Variants in TBL1X observed in about 807,000 individuals in gnomAD.
The protein encoded by TBL1X is F-box-like/WD repeat-containing protein TBL1X.
Under a neutral mutation model 50.7 loss-of-function variants are expected in TBL1X, and 10 were observed. The ratio of observed to expected loss-of-function variants is 0.20; its 90% CI spans 0.12 to 0.33. The LOEUF (loss-of-function observed/expected upper bound fraction) is 0.33. TBL1X is among the 10% of genes least tolerant of loss of function. The pLI, the probability that TBL1X is intolerant of heterozygous loss-of-function variation, is 1.00. For missense variants in TBL1X, 340 were observed against 504.4 expected (o/e 0.67, Z 3.12); for synonymous variants, 190 against 214.7 (o/e 0.88, Z 1.01).
At chrX:9,553,329 G>A (rs1461682337) in intron 2 of TBL1X, among the ~76,000 whole-genome samples, 1 of 111,604 alleles carries the variant, frequency 9.0e-6, no homozygotes, top group Non-Finnish European at 1.9e-5. Flanking sequence ...GGATGCTGGC[G>A]GCCTCTAGAA....
intron 2 of TBL1X, among the ~76,000 whole-genome samples, chrX:9,574,003 C>G (rs1165402166): frequency 8.9e-6 from 1 of 112,107 alleles, no homozygotes; most frequent in Non-Finnish European, 1.9e-5. Flanking sequence ...TATTCAATGC[C>G]GGCATCACTA....
At chrX:9,617,710 T>C (rs190398413) in intron 2 of TBL1X, among the ~76,000 whole-genome samples, 11 of 112,318 alleles carry the variant, frequency 9.8e-5, no homozygotes, top group African/African-American at 3.6e-4. Context: ...CCTTCAGTGA[T>C]GCCCATAAGA....
intron 2 of TBL1X, among the ~76,000 whole-genome samples, chrX:9,589,758 C>T (rs1317185351): frequency 8.9e-6 from 1 of 111,781 alleles, no homozygotes; most frequent in Non-Finnish European, 1.9e-5. Flanking sequence ...ATTCTTGTAT[C>T]CATAACAGTT....
intron 13 of TBL1X, among the ~76,000 whole-genome samples, chrX:9,706,590 G>A (rs2083209038): frequency 1.8e-5 from 2 of 110,691 alleles, no homozygotes; most frequent in African/African-American, 6.6e-5. Flanking sequence ...ATATACCAGG[G>A]AACAACAATG....
chrX:9,546,985 A>C (rs1256084828), intron 2 of TBL1X, among the ~76,000 whole-genome samples: 1 of 103,590 alleles, frequency 9.7e-6, no homozygotes, highest in African/African-American at 3.5e-5. Context: ...CGCCCGGCTA[A>C]TTTTTTGTAT....
At chrX:9,665,192 T>A (rs192499499) in intron 5 of TBL1X, among the ~76,000 whole-genome samples, 3 of 108,331 alleles carry the variant, frequency 2.8e-5, no homozygotes, top group Non-Finnish European at 3.8e-5. Context: ...TTGCAGGTAT[T>A]TTTTCCCTTG....
intron 2 of TBL1X, among the ~76,000 whole-genome samples, chrX:9,512,049 G>A (rs1008728814): frequency 3.6e-5 from 4 of 110,452 alleles, no homozygotes; most frequent in African/African-American, 1.3e-4. Context: ...TGTAGAGATG[G>A]GGTCTCCCTA....
chrX:9,685,717 C>CTTTTTTTTTTTTTTTTTT (rs752837096), intron 6 of TBL1X, among the ~76,000 whole-genome samples: 11 of 59,638 alleles, frequency 1.8e-4, no homozygotes, highest in African/African-American at 4.1e-4. Flanking sequence ...CTTTTCTTTT[C>CTTTTTTTTTTTTTTTTTT]TTTTTTTTTT....
intron 2 of TBL1X, among the ~76,000 whole-genome samples, chrX:9,608,946 A>G (rs767300562): frequency 1.8e-5 from 2 of 111,748 alleles, no homozygotes; most frequent in East Asian, 5.6e-4. Flanking sequence ...TAGAAGCAGC[A>G]GATATCAGCC....
intron 2 of TBL1X, among the ~76,000 whole-genome samples, chrX:9,551,475 A>C (rs977506544): frequency 1.8e-5 from 2 of 111,337 alleles, no homozygotes; most frequent in African/African-American, 6.6e-5. Context: ...TATTTTCAAA[A>C]TGTAGTTCAC....
At chrX:9,533,249 G>A (rs1458382325) in intron 2 of TBL1X, among the ~76,000 whole-genome samples, 3 of 111,554 alleles carry the variant, frequency 2.7e-5, no homozygotes, top group Non-Finnish European at 3.8e-5. Context: ...AGACGAGCGC[G>A]AACTCCTAGC....
At chrX:9,594,274 A>G (rs937359366) in intron 2 of TBL1X, among the ~76,000 whole-genome samples, 1 of 112,457 alleles carries the variant, frequency 8.9e-6, no homozygotes, top group Non-Finnish European at 1.9e-5. Context: ...ACAGTTTTTT[A>G]TGTCAGTGCA....
At chrX:9,692,365 G>T in intron 9 of TBL1X, 111 bp downstream of exon 9, 1 of 985,033 alleles carries the variant, frequency 1.0e-6, no homozygotes, top group Non-Finnish European at 1.4e-6. Flanking sequence ...GTGGTCCTGT[G>T]TGCTCAGCCC....
intron 2 of TBL1X, among the ~76,000 whole-genome samples, chrX:9,515,053 C>T (rs2146961702): frequency 9.0e-6 from 1 of 110,758 alleles, no homozygotes; most frequent in South Asian, 3.9e-4. Context: ...GGGGTGTGCT[C>T]CTTTTGTTTT....
intron 2 of TBL1X, among the ~76,000 whole-genome samples, chrX:9,611,650 G>A (rs1462298644): frequency 3.0e-4 from 34 of 112,455 alleles, no homozygotes; most frequent in African/African-American, 1.1e-3. Flanking sequence ...AATAACAGCA[G>A]TGACTAAGAC....
chrX:9,466,846 G>C (rs1004560102), intron 1 of TBL1X, among the ~76,000 whole-genome samples: 3 of 112,282 alleles, frequency 2.7e-5, no homozygotes, highest in Admixed American at 1.9e-4. Flanking sequence ...CATTTTTGTG[G>C]AAAGCCACCA....
chrX:9,575,521 C>T (rs2082406812), intron 2 of TBL1X, among the ~76,000 whole-genome samples: 1 of 112,007 alleles, frequency 8.9e-6, no homozygotes, highest in South Asian at 3.7e-4. Context: ...CTCATGTTGT[C>T]CCCTGTGTCG....
Position 9,719,204 on chromosome X carries a change from C to A in TBL1X, c.*2958C>A, listed in dbSNP as rs1407512307. The A allele has an allele frequency of 2.7e-5, 3 of 112,114 alleles. No individual in the cohort carries two copies. Among genetic ancestry groups the A allele is most frequent in the African/African-American group, 6.5e-5 (2 of 30,741 alleles). 9.2% of individuals were successfully genotyped at this position (112,114 alleles called of 1,213,427 possible). A position where few individuals can be genotyped will look rare whatever the true frequency, so the allele number is the denominator to read the frequency against. ...GACCGAGAGTCAGGTCCAGCACACA[C>A]CTGGGAAAGGGATGCTGCCCCAAGG... On this transcript the variant is annotated 3_prime_UTR_variant, in exon 18 of 18. Transcript: ENST00000645353.
intron 1 of TBL1X, among the ~76,000 whole-genome samples, chrX:9,476,775 A>T (rs1020149209): frequency 1.8e-5 from 2 of 111,063 alleles, no homozygotes; most frequent in African/African-American, 3.3e-5. Context: ...GAAGACAGTA[A>T]CTTATTAGGA....
Sources: gnomAD v4.1 joint callset for allele counts (sites outside exome capture counted in the v4.1 genomes callset) on GRCh38, gnomAD v4.1.1 for gene constraint, MANE v1.5 for transcripts, NCBI Gene and HGNC (gene_info 2026-07-23, HGNC 2026-07-21) for gene names.